Variants in RBBP8 observed in about 807,000 individuals in gnomAD.
The protein encoded by RBBP8 is RB binding protein 8, endonuclease, also known as DNA endonuclease RBBP8.
Under a neutral mutation model 108.3 loss-of-function variants are expected in RBBP8, and 88 were observed. That is an observed-to-expected ratio of 0.81 (90% CI 0.68 to 0.97). The LOEUF (loss-of-function observed/expected upper bound fraction) is 0.97, where lower values mean the gene tolerates loss of function less well. RBBP8 is among the 50% of genes least tolerant of loss of function. The pLI is 0.00. For missense variants in RBBP8, 1,023 were observed against 1,049.0 expected (o/e 0.98, Z 0.34); for synonymous variants, 332 against 348.2 (o/e 0.95, Z 0.52).
chr18:22,991,026 A>G lies in RBBP8; in HGVS notation c.897A>G (p.Thr299=), dbSNP rs2144692780. ...AGAAACAGCCTTTTGAGGAATCTAC[A>G]AGAAATACTGAAGATAGTTTAAGGT... is the stretch of plus-strand genomic sequence containing the variant. ...NHKKQPFEES[T]RNTEDSLRFS... The change falls in exon 10 of 19, where the codon ACA becomes ACG. Residue 299 remains threonine (T), a synonymous_variant. Transcript: ENST00000327155. 2.5e-6 allele frequency: 4 copies of G among 1,612,558 alleles called. No homozygotes were observed. The highest frequency in any genetic ancestry group is 2.5e-6 in the Non-Finnish European group (3 of 1,178,758).
chr18:22,980,880 A>C (rs553677341), intron 6 of RBBP8, among the ~76,000 whole-genome samples: 11 of 148,226 alleles, frequency 7.4e-5, no homozygotes, highest in Non-Finnish European at 1.5e-4. Flanking sequence ...ACGCCTGGCA[A>C]ATTTTTTAAT....
At position 22,954,688 on chromosome 18, in the gene RBBP8, A is replaced by G. The variant is rs1013715301; in HGVS notation, c.248+4975A>G. On this transcript the variant is annotated intron_variant, in intron 4 of 18. Transcript: ENST00000327155. ...TTACAGCTCCACTAGACAGTGTCCCAGTGGGGACTGTGTGGAGGCTCCAAC... is the reference window on the plus strand; with the variant it reads ...TTACAGCTCCACTAGACAGTGTCCCGGTGGGGACTGTGTGGAGGCTCCAAC... Among the ~76,000 whole-genome samples, 57 of 152,164 alleles carry G rather than the reference A, an allele frequency of 3.7e-4. 1 individual carries two copies. Among genetic ancestry groups the G allele is most frequent in the Non-Finnish European group, 2.5e-4 (17 of 68,022 alleles).
At chr18:22,916,975 T>C (rs1201418932) in exon 3 of RBBP8, 3 of 152,148 alleles carry the variant, frequency 2.0e-5, no homozygotes, top group Admixed American at 6.5e-5. Flanking sequence ...AAGACAGAAA[T>C]TGCAGGACTT....
intron 8 of RBBP8, among the ~76,000 whole-genome samples, chr18:22,986,934 G>T (rs759929935): frequency 6.6e-6 from 1 of 152,272 alleles, no homozygotes; most frequent in South Asian, 2.1e-4. Flanking sequence ...ATTCTGTTCT[G>T]CTGCTGCCAG....
At chr18:23,025,113 A>G (rs2046431939) in intron 18 of RBBP8, among the ~76,000 whole-genome samples, 1 of 152,056 alleles carries the variant, frequency 6.6e-6, no homozygotes, top group Non-Finnish European at 1.5e-5. Flanking sequence ...TTAGCCAGGT[A>G]TGGTGGTGCA....
chr18:23,008,493 A>T (rs1308264666), intron 16 of RBBP8, among the ~76,000 whole-genome samples: 1 of 152,138 alleles, frequency 6.6e-6, no homozygotes, highest in Non-Finnish European at 1.5e-5. Flanking sequence ...TTATATACTC[A>T]TCAATTTAAG....
At chr18:22,954,927 G>A (rs1032108907) in intron 4 of RBBP8, among the ~76,000 whole-genome samples, 1 of 152,112 alleles carries the variant, frequency 6.6e-6, no homozygotes, top group Admixed American at 6.5e-5. Context: ...CCATGATTCA[G>A]TTACCTCCTA....
Position 23,006,420 on chromosome 18 carries a change from A to G in RBBP8, c.2345A>G (p.Lys782Arg), listed in dbSNP as rs756965262. ...AAAGCGTTTGTGGAGCCGTATTTTA[A>G]AGGTGATGAAAGGTAAGTTGGTTTT... ...KQKAFVEPYF[K>R]GDERETSLQN... Residue 782 changes from lysine to arginine, a missense_variant, in exon 16 of 19, where the codon AAA becomes AGA. Transcript: ENST00000327155. 6.2e-7 allele frequency: 1 copy of G among 1,612,536 alleles called. No individual in the cohort carries two copies. Among genetic ancestry groups the G allele is most frequent in the South Asian group, 1.1e-5 (1 of 91,050 alleles).
chr18:22,984,377 T>A (rs965723220), intron 7 of RBBP8, among the ~76,000 whole-genome samples: 7 of 152,168 alleles, frequency 4.6e-5, no homozygotes, highest in Non-Finnish European at 8.8e-5. Context: ...GATTGATTGA[T>A]CATTTGTTTA....
chr18:22,920,833 G>A (rs1426399038), intron 3 of RBBP8: 3 of 152,124 alleles, frequency 2.0e-5, no homozygotes, highest in Non-Finnish European at 4.4e-5. Context: ...ATCTCTGGTT[G>A]GTAGATCCTA....
chr18:22,986,218 A>G (rs1915317415), intron 8 of RBBP8, among the ~76,000 whole-genome samples: 1 of 152,160 alleles, frequency 6.6e-6, no homozygotes, highest in African/African-American at 2.4e-5. Flanking sequence ...TGCCAATGAG[A>G]TAGGAAAACT....
intron 3 of RBBP8, among the ~76,000 whole-genome samples, chr18:22,923,010 A>G (rs1909658028): frequency 6.6e-6 from 1 of 152,178 alleles, no homozygotes; most frequent in Non-Finnish European, 1.5e-5. Flanking sequence ...ATCTTTCACA[A>G]TTTGCCTAGC....
At chr18:22,984,057 G>A (rs1243939484) in intron 7 of RBBP8, among the ~76,000 whole-genome samples, 2 of 151,868 alleles carry the variant, frequency 1.3e-5, no homozygotes, top group Non-Finnish European at 2.9e-5. Context: ...CTCCAGCCTG[G>A]GCAACAGAGC....
intron 3 of RBBP8, among the ~76,000 whole-genome samples, chr18:22,948,368 A>T (rs770485819): frequency 6.6e-6 from 1 of 151,836 alleles, no homozygotes; most frequent in African/African-American, 2.4e-5. Context: ...AGTAGGAAAT[A>T]TTTTATTTAT....
intron 2 of RBBP8, among the ~76,000 whole-genome samples, chr18:22,943,448 ATATTAT>A (rs777140905): frequency 6.6e-5 from 10 of 151,310 alleles, no homozygotes; most frequent in African/African-American, 2.2e-4. Context: ...AATAATAATA[ATATTAT>A]TATTATTATC....
At chr18:22,975,284 G>A (rs1223148782) in intron 6 of RBBP8, 65 bp downstream of exon 6, 6 of 1,576,386 alleles carry the variant, frequency 3.8e-6, no homozygotes, top group Middle Eastern at 1.7e-4. Flanking sequence ...GAAGATAACT[G>A]TAAGAGTTGC....
chr18:23,007,334 AT>A (rs903246486), intron 16 of RBBP8, among the ~76,000 whole-genome samples: 7 of 151,514 alleles, frequency 4.6e-5, no homozygotes, highest in Admixed American at 2.6e-4. Flanking sequence ...CTGTTTTATT[AT>A]TTTTTTTAAA....
chr18:22,975,302 A>G, intron 6 of RBBP8, 83 bp downstream of exon 6: 1 of 1,540,950 alleles, frequency 6.5e-7, no homozygotes, highest in Non-Finnish European at 8.8e-7. Flanking sequence ...TGCAGATTTC[A>G]TTTTAAAAAT....
Position 22,991,065 on chromosome 18 carries a change from T to C in RBBP8, c.920+16T>C, listed in dbSNP as rs1470017771. 1.9e-6 allele frequency: 3 copies of C among 1,560,996 alleles called. No individual in the cohort carries two copies. The highest frequency in any genetic ancestry group is 1.7e-5 in the Admixed American group (1 of 59,838). On this transcript the variant is annotated intron_variant, in intron 10 of 18. Coordinates refer to ENST00000327155, the MANE Select transcript of RBBP8 (RefSeq NM_002894.3). ...ATAGTTTAAGGTAATTAAGGGCACGTTGGTGAAAACTGATAAGCTATTGGT... is the reference window on the plus strand; with the variant it reads ...ATAGTTTAAGGTAATTAAGGGCACGCTGGTGAAAACTGATAAGCTATTGGT...
Sources: allele counts gnomAD v4.1 joint callset (sites outside exome capture counted in the v4.1 genomes callset), GRCh38; gene constraint gnomAD v4.1.1; transcripts MANE v1.5; gene names NCBI Gene and HGNC (gene_info 2026-07-23, HGNC 2026-07-21).